The following CSK variants were observed in gnomAD, a reference collection of about 807,000 sequenced individuals.
CSK encodes C-terminal Src kinase.
A neutral mutation model predicts 62.3 loss-of-function variants in CSK; 7 were observed. That is an observed-to-expected ratio of 0.11 (90% confidence interval 0.06 to 0.21). The LOEUF (loss-of-function observed/expected upper bound fraction) is 0.21. Among genes scored for constraint, CSK ranks in the 10% least tolerant of loss-of-function variants. The pLI is 1.00. For synonymous variants in CSK, 237 were observed against 246.0 expected (o/e 0.96, Z 0.34); for missense variants, 294 against 613.5 (o/e 0.48, Z 5.50).
At chr15:74,797,088 C>T (rs947633726) in intron 1 of CSK, among the ~76,000 whole-genome samples, 3 of 152,084 alleles carry the variant, frequency 2.0e-5, no homozygotes, top group Admixed American at 6.5e-5. Context: ...AGTACAAGCA[C>T]GCAGTACCAC....
At position 74,788,774 on chromosome 15, in the gene CSK, C is replaced by G. The variant is rs111962183; in HGVS notation, c.-66+6054C>G. ...ACCTAGAATGTGGCCAGGAGACTTCCGGGTGAGGGACAAGAACATGACTTT... is the reference window on the plus strand; with the variant it reads ...ACCTAGAATGTGGCCAGGAGACTTCGGGGTGAGGGACAAGAACATGACTTT... On this transcript the variant is annotated intron_variant, in intron 1 of 12. Transcript: ENST00000220003. 1,368 of 154,440 alleles carry G rather than the reference C, an allele frequency of 8.9e-3. 18 individuals are homozygous for G. Among genetic ancestry groups the G allele is most frequent in the African/African-American group, 0.027 (1,132 of 41,628 alleles). The allele number at this position is 154,440 out of a possible 1,614,324, so 9.6% of individuals were successfully genotyped here. A position where few individuals can be genotyped will look rare whatever the true frequency, so the allele number is the denominator to read the frequency against.
chr15:74,787,668 C>G (rs924496624), intron 1 of CSK, among the ~76,000 whole-genome samples: 13 of 152,162 alleles, frequency 8.5e-5, no homozygotes, highest in African/African-American at 2.4e-4. Flanking sequence ...CGCAGCTTCC[C>G]TCCACCCCTC....
At position 74,790,182 on chromosome 15, in the gene CSK, G is replaced by A. The variant is rs7180820; in HGVS notation, c.-66+7462G>A. Reference sequence around the variant, plus strand: ...AGCACCAGAATCTCCGGGGGCCAGGGCCCTGAGTTCCCCCAGGTCTTTTGT... The same window carrying A: ...AGCACCAGAATCTCCGGGGGCCAGGACCCTGAGTTCCCCCAGGTCTTTTGT... On this transcript the variant is annotated intron_variant, in intron 1 of 12. Coordinates refer to ENST00000220003, the MANE Select transcript of CSK (RefSeq NM_004383.3). Among the ~76,000 whole-genome samples the A allele has an allele frequency of 2.9e-3, 435 of 152,346 alleles. 1 individual carries two copies. Among genetic ancestry groups the A allele is most frequent in the Non-Finnish European group, 4.6e-3 (310 of 68,036 alleles).
chr15:74,785,354 T>C (rs1009222113), intron 1 of CSK, among the ~76,000 whole-genome samples: 2 of 152,214 alleles, frequency 1.3e-5, no homozygotes, highest in South Asian at 2.1e-4. Flanking sequence ...CTGGAGCGTG[T>C]GCATTTTTCC....
In CSK at chr15:74,802,326, C is replaced by G. The variant is rs1459808795; in HGVS notation, c.1171-5C>G. 6.3e-7 allele frequency: 1 copy of G among 1,580,786 alleles called. No homozygotes were observed. The highest frequency in any genetic ancestry group is 1.4e-5 in the African/African-American group (1 of 73,148). On this transcript the variant is annotated splice_region_variant and splice_polypyrimidine_tract_variant and intron_variant, in intron 12 of 12. Transcript: ENST00000220003. The stretch of plus-strand genomic sequence containing the variant: ...GGACTGACTCCTGCCTCCCCCTGGC[C>G]ACAGCCCCTGAAGGACGTCGTCCCT...
chr15:74,795,809 A>G (rs1249179728), intron 1 of CSK, among the ~76,000 whole-genome samples: 1 of 152,212 alleles, frequency 6.6e-6, no homozygotes, highest in African/African-American at 2.4e-5. Flanking sequence ...TTAACTACTA[A>G]TAGCCTATTG....
intron 6 of CSK, 34 bp from the exon 7 acceptor site, chr15:74,800,647 T>A (rs1227902784): frequency 6.5e-7 from 1 of 1,539,022 alleles, no homozygotes; most frequent in South Asian, 1.2e-5. Context: ...ATGTCCCTAG[T>A]GGCCTCCAGG....
At chr15:74,801,658 C>T in intron 10 of CSK, 37 bp from the exon 11 acceptor site, 2 of 1,609,142 alleles carry the variant, frequency 1.2e-6, no homozygotes, top group South Asian at 2.2e-5. Context: ...CTATGGGAGC[C>T]CCAGTCTGAG....
Position 74,798,407 on chromosome 15 carries a change from C to T in CSK, c.15+95C>T. ...AGAGAGGATGCAGCTTAGATCAACC[C>T]ACTCCCCTTTTTCCCAGCACTCAGT... is the stretch of plus-strand genomic sequence containing the variant. On this transcript the variant is annotated intron_variant, in intron 2 of 12. Coordinates refer to ENST00000220003, the MANE Select transcript of CSK (RefSeq NM_004383.3). The surrounding 1 kb of genome is among the most constrained non-coding windows in gnomAD (Gnocchi z 6.6). The T allele has an allele frequency of 1.3e-6, 2 of 1,491,922 alleles. No individual in the cohort carries two copies. Among genetic ancestry groups the T allele is most frequent in the Non-Finnish European group, 1.8e-6 (2 of 1,089,464 alleles). The allele number at this position is 1,491,922 out of a possible 1,614,324, so 92.4% of individuals were successfully genotyped here. A position where few individuals can be genotyped will look rare whatever the true frequency, so the allele number is the denominator to read the frequency against.
At chr15:74,787,500 G>T (rs762559211) in intron 1 of CSK, among the ~76,000 whole-genome samples, 4 of 152,144 alleles carry the variant, frequency 2.6e-5, no homozygotes, top group Non-Finnish European at 4.4e-5. Flanking sequence ...TTTGTCAAGC[G>T]ACTATTTGAG....
In CSK at chr15:74,799,310, G is replaced by A. The variant is rs751418156; in HGVS notation, c.281G>A (p.Arg94Gln). Reference protein sequence around the residue: ...HGKITREQAERLLYPPETGLF... With the variant: ...HGKITREQAEQLLYPPETGLF... ...AAGATCACACGGGAGCAGGCTGAGCGGCTTCTGTACCCGCCGGAGACAGGC... is the reference window on the plus strand; with the variant it reads ...AAGATCACACGGGAGCAGGCTGAGCAGCTTCTGTACCCGCCGGAGACAGGC... The change falls in exon 5 of 13, where the codon CGG (arginine) becomes CAG (glutamine). Residue 94 changes from arginine to glutamine, a missense_variant. Transcript: ENST00000220003. 40 of 1,611,580 alleles carry A rather than the reference G, an allele frequency of 2.5e-5. No homozygotes were observed. Among genetic ancestry groups the A allele is most frequent in the South Asian group, 5.5e-5 (5 of 91,022 alleles).
rs1309378640 is a variant in CSK, at chr15:74,786,041, G to GTGTGTGTGTGTGTGTA, written c.-66+3323_-66+3324insTGTGTGTGTGTGTATG. 6.7e-5 allele frequency among the ~76,000 whole-genome samples: 8 copies of GTGTGTGTGTGTGTGTA among 119,172 alleles called. No individual in the cohort carries two copies. The East Asian group carries it at 7.4e-4, about 11-fold the overall frequency. The allele number at this position is 119,172 out of a possible 152,430, so 78.2% of individuals were successfully genotyped here. On this transcript the variant is annotated intron_variant, in intron 1 of 12. Transcript: ENST00000220003. ...TGTGTGTGTGTGTGTGTGTGTGTGT[G>GTGTGTGTGTGTGTGTA]TGAGATGGAGTTTTGCTCTTGTTGC...
chr15:74,785,171 A>G (rs988252843), intron 1 of CSK, among the ~76,000 whole-genome samples: 3 of 152,168 alleles, frequency 2.0e-5, no homozygotes, highest in Non-Finnish European at 4.4e-5. Context: ...TCTTTTCCCC[A>G]TCCTTTTCCT....
At chr15:74,787,964 AGAGGAGAC>A (rs1215638727) in intron 1 of CSK, among the ~76,000 whole-genome samples, 1 of 152,176 alleles carries the variant, frequency 6.6e-6, no homozygotes, top group East Asian at 1.9e-4. Flanking sequence ...GCTGGCGGGT[AGAGGAGAC>A]GAGGAGTCAG....
chr15:74,802,263 A>G, intron 12 of CSK, 68 bp from the exon 13 acceptor site: 1 of 1,489,806 alleles, frequency 6.7e-7, no homozygotes. Context: ...CATCCCTGAG[A>G]GGCTGCTGGG....
intron 1 of CSK, among the ~76,000 whole-genome samples, chr15:74,794,221 C>G (rs1260133516): frequency 1.9e-5 from 1 of 53,608 alleles, no homozygotes; most frequent in African/African-American, 7.3e-5. Flanking sequence ...CCCACCCTCA[C>G]AGCTTACAGT....
At chr15:74,783,301 G>C (rs896816999) in intron 1 of CSK, among the ~76,000 whole-genome samples, 23 of 152,204 alleles carry the variant, frequency 1.5e-4, no homozygotes, top group African/African-American at 4.6e-4. Context: ...CCTTCTGCCC[G>C]GGGGGAGGTA....
At chr15:74,794,361 G>C (rs2063674133) in intron 1 of CSK, among the ~76,000 whole-genome samples, 1 of 142,486 alleles carries the variant, frequency 7.0e-6, no homozygotes, top group Admixed American at 6.9e-5. Context: ...GCAGGGGCAA[G>C]GGGTCCCCGC....
In CSK at chr15:74,798,227, C is replaced by T; in HGVS notation, c.-65-6C>T. 2 of 1,506,160 alleles carry T rather than the reference C, an allele frequency of 1.3e-6. No individual in the cohort carries two copies. Among genetic ancestry groups the T allele is most frequent in the Non-Finnish European group, 8.9e-7 (1 of 1,123,718 alleles). The allele number at this position is 1,506,160 out of a possible 1,614,324, so 93.3% of individuals were successfully genotyped here. A position where few individuals can be genotyped will look rare whatever the true frequency, so the allele number is the denominator to read the frequency against. On this transcript the variant is annotated splice_polypyrimidine_tract_variant and splice_region_variant and intron_variant, in intron 1 of 12. Coordinates refer to ENST00000220003, the MANE Select transcript of CSK (RefSeq NM_004383.3). The surrounding 1 kb of genome is among the most constrained non-coding windows in gnomAD (Gnocchi z 6.6). ...CCCTCCTCAGTCTTCATGCTCTTCC[C>T]CACAGCTCTAATGGTACCAAGTGAC...
Sources: gnomAD v4.1 joint callset for allele counts (sites outside exome capture counted in the v4.1 genomes callset) on GRCh38, gnomAD v4.1.1 for gene constraint, Gnocchi (gnomAD v3.1) non-coding constraint, MANE v1.5 for transcripts, NCBI Gene and HGNC (gene_info 2026-07-23, HGNC 2026-07-21) for gene names.